Variants in DISP1 observed in about 807,000 individuals in gnomAD.
The protein encoded by DISP1 is protein dispatched homolog 1.
DISP1 carries 30 observed loss-of-function variants against 37.3 expected under a neutral mutation model. The observed-to-expected ratio is 0.80, with a 90% CI of 0.60 to 1.09. The LOEUF (loss-of-function observed/expected upper bound fraction) is 1.09. Ranked by LOEUF, DISP1 falls within the 50% of genes least tolerant of loss-of-function variation. DISP1 has a pLI of 0.00. For synonymous variants in DISP1, 634 were observed against 690.2 expected (o/e 0.92, Z 1.28); for missense variants, 1,598 against 1,879.5 (o/e 0.85, Z 2.77).
intron 2 of DISP1, among the ~76,000 whole-genome samples, chr1:222,933,929 A>G (rs1673557313): frequency 6.6e-6 from 1 of 152,086 alleles, no homozygotes; most frequent in Non-Finnish European, 1.5e-5. Flanking sequence ...TCAATATACT[A>G]TATGACAACA....
intron 1 of DISP1, among the ~76,000 whole-genome samples, chr1:222,919,445 C>T (rs1003722188): frequency 4.6e-5 from 7 of 152,196 alleles, no homozygotes; most frequent in African/African-American, 1.7e-4. Flanking sequence ...CCTCCCTGCT[C>T]TGTCTACCCA....
rs1267343386 is a variant in DISP1 at position 222,882,415 on chromosome 1, C to T, written c.-158-46015C>T. ...GTGGTTTCTCATTCTATTTTAGTAA[C>T]CTGGGAATGGCAAATATTTAGAGGA... On this transcript the variant is annotated intron_variant, in intron 1 of 8. Coordinates refer to ENST00000675850, the MANE Select transcript of DISP1 (RefSeq NM_001377229.1). Among the ~76,000 whole-genome samples, 6 of 152,170 alleles carry T rather than the reference C, an allele frequency of 3.9e-5. No homozygotes were observed. The East Asian group carries it at 1.2e-3, about 29-fold the overall frequency.
intron 8 of DISP1, among the ~76,000 whole-genome samples, chr1:222,998,724 T>C (rs1679243554): frequency 6.6e-6 from 1 of 152,184 alleles, no homozygotes; most frequent in Non-Finnish European, 1.5e-5. Context: ...TGTTCCATAG[T>C]CTTTGTACAA....
At chr1:222,879,212 C>T (rs1572409132) in intron 1 of DISP1, among the ~76,000 whole-genome samples, 1 of 152,074 alleles carries the variant, frequency 6.6e-6, no homozygotes, top group African/African-American at 2.4e-5. Context: ...AGTGACAGTC[C>T]ATTCTCTGGC....
chr1:222,872,566 G>C (rs895489461), intron 1 of DISP1: 41 of 152,170 alleles, frequency 2.7e-4, no homozygotes, highest in African/African-American at 8.5e-4. Context: ...TTGCGTAGAG[G>C]TGTTCATAAT....
At chr1:222,909,163 T>C (rs1318826082) in intron 1 of DISP1, among the ~76,000 whole-genome samples, 2 of 152,114 alleles carry the variant, frequency 1.3e-5, no homozygotes, top group African/African-American at 4.8e-5. Context: ...TTAAATTATA[T>C]TGTATATATA....
chr1:222,893,964 G>C lies in DISP1; in HGVS notation c.-158-34466G>C, dbSNP rs1306617697. Among the ~76,000 whole-genome samples the C allele has an allele frequency of 6.6e-6, 1 of 152,190 alleles. No homozygotes were observed. Among genetic ancestry groups the C allele is most frequent in the Non-Finnish European group, 1.5e-5 (1 of 68,038 alleles). ...TCATTGAGTGGCAGAACAGTTCTCA[G>C]GAGACCCGAAGTGGGTAGCTCCCTC... On this transcript the variant is annotated intron_variant, in intron 1 of 8. Transcript: ENST00000675850. The surrounding 1 kb of genome is among the most constrained non-coding windows in gnomAD (Gnocchi z 4.3).
chr1:222,827,370 G>C (rs1230042456), intron 1 of DISP1: 4 of 152,128 alleles, frequency 2.6e-5, no homozygotes, highest in Non-Finnish European at 4.4e-5. Flanking sequence ...AGGGGTAGGG[G>C]CATGGATCAT....
chr1:222,988,640 C>A (rs1233173777), intron 4 of DISP1, among the ~76,000 whole-genome samples: 4 of 142,358 alleles, frequency 2.8e-5, no homozygotes, highest in Non-Finnish European at 4.6e-5. Flanking sequence ...TCCTTCCTTC[C>A]TTTATAGCTT....
At chr1:222,936,676 TA>T (rs1673776177) in intron 2 of DISP1, among the ~76,000 whole-genome samples, 2 of 108,304 alleles carry the variant, frequency 1.8e-5, no homozygotes, top group Non-Finnish European at 3.5e-5. Flanking sequence ...GAGGTATATA[TA>T]ATATATAAAA....
intron 3 of DISP1, among the ~76,000 whole-genome samples, chr1:222,952,040 C>T (rs1160646012): frequency 6.6e-6 from 1 of 152,148 alleles, no homozygotes; most frequent in Non-Finnish European, 1.5e-5. Context: ...CTTTTCCGCT[C>T]TTACCATTGA....
At position 222,943,301 on chromosome 1, in the gene DISP1, C is replaced by G; in HGVS notation, c.478C>G (p.Gln160Glu). ...HHPWPDHFQH[Q>E]PVQQHIANIR... ...TCCGTGGCCTGACCATTTTCAGCATCAGCCTGTGCAACAGCACATAGCCAA... is the reference window on the plus strand; with the variant it reads ...TCCGTGGCCTGACCATTTTCAGCATGAGCCTGTGCAACAGCACATAGCCAA... Residue 160 changes from glutamine (Q) to glutamate (E), a missense_variant, in exon 3 of 9, where the codon CAG becomes GAG. Coordinates refer to ENST00000675850, the MANE Select transcript of DISP1 (RefSeq NM_001377229.1). The G allele has an allele frequency of 6.2e-7, 1 of 1,614,250 alleles. No homozygotes were observed. The highest frequency in any genetic ancestry group is 1.7e-5 in the Admixed American group (1 of 60,038).
intron 3 of DISP1, among the ~76,000 whole-genome samples, chr1:222,976,078 A>G (rs1162450863): frequency 2.6e-5 from 4 of 152,194 alleles, no homozygotes; most frequent in African/African-American, 9.7e-5. Context: ...AAATGTTCCC[A>G]CTGAAGATTA....
At chr1:222,826,469 C>T (rs1332272272) in intron 1 of DISP1, among the ~76,000 whole-genome samples, 1 of 149,994 alleles carries the variant, frequency 6.7e-6, no homozygotes, top group Non-Finnish European at 1.5e-5. Flanking sequence ...CAGCTTCAAC[C>T]TCCTGGGCTC....
At chr1:222,891,814 G>A (rs1165516577) in intron 1 of DISP1, among the ~76,000 whole-genome samples, 1 of 152,080 alleles carries the variant, frequency 6.6e-6, no homozygotes, top group Non-Finnish European at 1.5e-5. Context: ...GGATTTGGGT[G>A]TGTGTGTGTT....
At position 222,905,976 on chromosome 1, in the gene DISP1, G is replaced by C. The variant is rs181994276; in HGVS notation, c.-158-22454G>C. Among the ~76,000 whole-genome samples the C allele has an allele frequency of 2.9e-3, 449 of 152,226 alleles. 3 individuals are homozygous for C. Among genetic ancestry groups the C allele is most frequent in the African/African-American group, 0.01 (436 of 41,538 alleles). Reference sequence around the variant, plus strand: ...TATCTAAAAAGTTTAATAAGCAGTGGGTGGTTTCATCTATTCGTCTAACTT... The same window carrying C: ...TATCTAAAAAGTTTAATAAGCAGTGCGTGGTTTCATCTATTCGTCTAACTT... On this transcript the variant is annotated intron_variant, in intron 1 of 8. Transcript: ENST00000675850.
rs757172195 is a variant in DISP1 at position 223,005,220 on chromosome 1, G to A, written c.3823G>A (p.Asp1275Asn). The A allele has an allele frequency of 1.1e-5, 18 of 1,613,974 alleles. No individual in the cohort carries two copies. In the Admixed American group the frequency reaches 1.8e-4, roughly 16 times the overall value. ...TCTGAATCAGAGATGTAGCTGCCCA[G>A]ATGCCTACAAACACTTGAACTATGG... is the stretch of plus-strand genomic sequence containing the variant. Reference protein sequence around the residue: ...FSLNQRCSCPDAYKHLNYGPH... With the variant: ...FSLNQRCSCPNAYKHLNYGPH... Residue 1275 changes from aspartate to asparagine, a missense_variant, in exon 9 of 9, where the codon GAT (aspartate) becomes AAT (asparagine). Physicochemically the swap from Asp to Asn is conservative, Grantham distance 23. Coordinates refer to ENST00000675850, the MANE Select transcript of DISP1 (RefSeq NM_001377229.1).
intron 1 of DISP1, among the ~76,000 whole-genome samples, chr1:222,820,939 T>C (rs1303037902): frequency 6.6e-6 from 1 of 152,158 alleles, no homozygotes; most frequent in Admixed American, 6.5e-5. Flanking sequence ...CACAGGTCTT[T>C]TTTATTTTTA....
intron 1 of DISP1, among the ~76,000 whole-genome samples, chr1:222,917,528 G>T (rs1253859081): frequency 2.0e-5 from 3 of 152,240 alleles, no homozygotes; most frequent in Admixed American, 1.3e-4. Context: ...TTTGAATCAG[G>T]GTAACATGGG....
Sources: allele counts gnomAD v4.1 joint callset (sites outside exome capture counted in the v4.1 genomes callset), GRCh38; gene constraint gnomAD v4.1.1; non-coding constraint Gnocchi (gnomAD v3.1); transcripts MANE v1.5; gene names NCBI Gene and HGNC (gene_info 2026-07-23, HGNC 2026-07-21).